Variants in MCM3AP observed in about 807,000 individuals in gnomAD.
MCM3AP encodes the protein minichromosome maintenance complex component 3 associated protein.
A neutral mutation model predicts 184.1 loss-of-function variants in MCM3AP; 126 were observed. The observed-to-expected ratio is 0.68, with a 90% CI of 0.59 to 0.79. The LOEUF (loss-of-function observed/expected upper bound fraction) is 0.79. Ranked by LOEUF, MCM3AP falls within the 30% of genes least tolerant of loss-of-function variation. The probability of loss-of-function intolerance (pLI) is 0.00; values close to 1 mark genes in which losing one functional copy is unlikely to be tolerated. For missense variants in MCM3AP, 2,496 were observed against 2,479.2 expected (o/e 1.01, Z -0.14); for synonymous variants, 1,002 against 979.3 (o/e 1.02, Z -0.43).
chr21:46,269,279 G>C (rs1462400600), intron 9 of MCM3AP, among the ~76,000 whole-genome samples: 1 of 151,680 alleles, frequency 6.6e-6, no homozygotes, highest in Admixed American at 6.6e-5. Flanking sequence ...ACACCTGCCT[G>C]GCTTTTTTTT....
rs147879098 is a variant in MCM3AP, at chr21:46,245,036, C to T, written c.4809G>A (p.Gln1603=). The T allele has an allele frequency of 6.2e-7, 1 of 1,614,220 alleles. No individual in the cohort carries two copies. The highest frequency in any genetic ancestry group is 2.2e-5 in the East Asian group (1 of 44,874). ...RERRLGGLAS[Q]EPGAIIELFN... ...ACAGCTCAATGATGGCGCCAGGCTCCTGAGAAGCAAGACCGCCCAGACGCC... is the reference window on the plus strand; with the variant it reads ...ACAGCTCAATGATGGCGCCAGGCTCTTGAGAAGCAAGACCGCCCAGACGCC... The change falls in exon 23 of 28, where the codon CAG becomes CAA. Residue 1603 remains glutamine (Q), a synonymous_variant. Coordinates refer to ENST00000291688, the MANE Select transcript of MCM3AP (RefSeq NM_003906.5).
At chr21:46,241,236 G>A in intron 25 of MCM3AP, 1 of 560,380 alleles carries the variant, frequency 1.8e-6, no homozygotes, top group East Asian at 3.1e-5. Flanking sequence ...CCCCTGCACT[G>A]TAGGGACCCT....
At chr21:46,263,615 C>A (rs1331387899) in intron 13 of MCM3AP, among the ~76,000 whole-genome samples, 1 of 151,200 alleles carries the variant, frequency 6.6e-6, no homozygotes, top group East Asian at 2.0e-4. Flanking sequence ...CGAAAAGCAT[C>A]TCCACAAAAA....
intron 9 of MCM3AP, chr21:46,267,433 A>T (rs1304460278): frequency 1.1e-5 from 4 of 368,984 alleles, no homozygotes; most frequent in Non-Finnish European, 1.5e-5. Flanking sequence ...CAACAAGACC[A>T]GGTGAAGTCA....
chr21:46,242,794 A>C lies in MCM3AP; in HGVS notation c.5426+8T>G. ...AAGCAACAGAAACATACTGAACATG[A>C]ACCTCACCGTCCCTCTCTCAGCTGT... On this transcript the variant is annotated splice_region_variant and intron_variant, in intron 25 of 27. Transcript: ENST00000291688. 1 of 1,601,880 alleles carries C rather than the reference A, an allele frequency of 6.2e-7. No homozygotes were observed. Among genetic ancestry groups the C allele is most frequent in the South Asian group, 1.1e-5 (1 of 88,352 alleles).
At chr21:46,242,481 G>A (rs1381628589) in intron 25 of MCM3AP, 1 of 182,660 alleles carries the variant, frequency 5.5e-6, no homozygotes, top group African/African-American at 2.3e-5. Context: ...CACTGTTATT[G>A]TTTATCCTGG....
chr21:46,242,607 C>CCTGAAG, intron 25 of MCM3AP, 195 bp downstream of exon 25: 6 of 461,530 alleles, frequency 1.3e-5, no homozygotes, highest in Non-Finnish European at 2.3e-5. Flanking sequence ...TCAGGTATGC[C>CCTGAAG]TGATAAATGA....
intron 26 of MCM3AP, 121 bp from the exon 27 acceptor site, chr21:46,237,100 AT>A (rs10552880): frequency 0.28 from 59,293 of 211,604 alleles, 3,450 homozygotes; most frequent in Admixed American, 0.36. Flanking sequence ...ATTTTATATA[AT>A]TTTTTTTTTT....
At chr21:46,283,118 G>A (rs1462754463) in intron 2 of MCM3AP, among the ~76,000 whole-genome samples, 2 of 151,966 alleles carry the variant, frequency 1.3e-5, no homozygotes, top group South Asian at 2.1e-4. Flanking sequence ...GTAGAGATGG[G>A]GTTTCACCGT....
intron 20 of MCM3AP, 78 bp from the exon 21 acceptor site, chr21:46,246,964 G>A: frequency 1.4e-6 from 2 of 1,477,744 alleles, no homozygotes; most frequent in Admixed American, 1.7e-5. Flanking sequence ...CAGAGCAAGT[G>A]CAGCCAAAGC....
chr21:46,243,295 A>G (rs1314303045), intron 24 of MCM3AP, 170 bp downstream of exon 24: 8 of 849,258 alleles, frequency 9.4e-6, no homozygotes, highest in Non-Finnish European at 1.5e-5. Context: ...GAAACTTCCT[A>G]GCCTGTCTCA....
Position 46,265,980 on chromosome 21 carries a change from C to G in MCM3AP, c.2976G>C (p.Glu992Asp). Reference sequence around the variant, plus strand: ...TGACGGGCAGCTCCGCGGCCAGGCTCTCCCCGATGTACTTGTTCTGGGAGT... The same window carrying G: ...TGACGGGCAGCTCCGCGGCCAGGCTGTCCCCGATGTACTTGTTCTGGGAGT... ...SFNSQNKYIG[E>D]SLAAELPVST... Residue 992 changes from glutamate to aspartate, a missense_variant, in exon 11 of 28, where the codon GAG becomes GAC. Physicochemically the swap from Glu to Asp is conservative, Grantham distance 45. This residue lies in a region of MCM3AP where 1,323 missense variants were observed against 1,273.4 expected (regional missense o/e 1.04). Coordinates refer to ENST00000291688, the MANE Select transcript of MCM3AP (RefSeq NM_003906.5). 1 of 1,605,814 alleles carries G rather than the reference C, an allele frequency of 6.2e-7. No individual in the cohort carries two copies. Among genetic ancestry groups the G allele is most frequent in the South Asian group, 1.1e-5 (1 of 88,432 alleles).
rs756872145 is a variant in MCM3AP, at chr21:46,259,121, A to G, written c.3582-30T>C. 6.9e-6 allele frequency: 11 copies of G among 1,586,052 alleles called. No individual in the cohort carries two copies. In the East Asian group the frequency reaches 2.5e-4, roughly 36 times the overall value. On this transcript the variant is annotated intron_variant, in intron 15 of 27. Transcript: ENST00000291688. ...AAACAGGGCAATCAGCATGGAAGAC[A>G]CTGCACTTGGGGCCCACAGACACTG...
rs1160791116 is a variant in MCM3AP, at chr21:46,243,560, G to A, written c.5201C>T (p.Pro1734Leu). The change falls in exon 24 of 28, where the codon CCC becomes CTC. Residue 1734 changes from proline to leucine, a missense_variant. Pro to Leu is a moderately conservative substitution (Grantham distance 98). Around this residue, in one of 5 missense-constraint regions of MCM3AP, gnomAD observed 1,323 missense variants for 1,273.4 expected, o/e 1.04. Transcript: ENST00000291688. ...ATCCCATGGGATCTCCATGACCGAGGGGCCTGCCCCATGGACTGGGGAGGG... is the reference window on the plus strand; with the variant it reads ...ATCCCATGGGATCTCCATGACCGAGAGGCCTGCCCCATGGACTGGGGAGGG... The part of the protein sequence containing the change: ...KSPSPVHGAG[P>L]SVMEIPWDDL... The A allele has an allele frequency of 1.9e-5, 31 of 1,614,080 alleles. No individual in the cohort carries two copies. The highest frequency in any genetic ancestry group is 2.4e-5 in the Non-Finnish European group (28 of 1,180,056).
At chr21:46,245,522 A>C (rs377685120) in intron 22 of MCM3AP, among the ~76,000 whole-genome samples, 21 of 152,208 alleles carry the variant, frequency 1.4e-4, no homozygotes, top group African/African-American at 4.8e-5. Flanking sequence ...ATGCACAGAA[A>C]TGGAGTCTTC....
chr21:46,245,075 A>G lies in MCM3AP; in HGVS notation c.4770T>C (p.His1590=). ...CGCCCAGACGCCTCTCTCTTCTGTCATGGAAAAAGCGGCCACTAAACTCAT... is the reference window on the plus strand; with the variant it reads ...CGCCCAGACGCCTCTCTCTTCTGTCGTGGAAAAAGCGGCCACTAAACTCAT... ...IGHEFSGRFF[H]DRRERRLGGL... The change falls in exon 23 of 28, where the codon CAT becomes CAC. Residue 1590 remains histidine, a synonymous_variant. Coordinates refer to ENST00000291688, the MANE Select transcript of MCM3AP (RefSeq NM_003906.5). The G allele has an allele frequency of 6.2e-7, 1 of 1,614,244 alleles. No individual in the cohort carries two copies. The highest frequency in any genetic ancestry group is 1.1e-5 in the South Asian group (1 of 91,090).
intron 8 of MCM3AP, among the ~76,000 whole-genome samples, chr21:46,271,320 A>C (rs907678623): frequency 1.5e-4 from 21 of 139,742 alleles, no homozygotes; most frequent in African/African-American, 4.3e-4. Context: ...GGGCCACCAC[A>C]CCTGGGTTTT....
At chr21:46,285,730 T>TA (rs1384959751), upstream of MCM3AP, 1 of 158,154 alleles carries the variant, frequency 6.3e-6, no homozygotes, top group Admixed American at 6.3e-5. Context: ...TCTCCCGACT[T>TA]CCTCCAATCT....
intron 26 of MCM3AP, among the ~76,000 whole-genome samples, chr21:46,239,613 CAGA>C (rs2080614187): frequency 6.6e-6 from 1 of 152,158 alleles, no homozygotes; most frequent in South Asian, 2.1e-4. Context: ...CAGTGGCTAC[CAGA>C]CATCCAATAG....
Sources: allele counts gnomAD v4.1 joint callset (sites outside exome capture counted in the v4.1 genomes callset), GRCh38; gene constraint gnomAD v4.1.1; regional missense constraint gnomAD v4.1.1; transcripts MANE v1.5; gene names NCBI Gene and HGNC (gene_info 2026-07-23, HGNC 2026-07-21).